PCDHA5: variants seen among roughly 807,000 people sequenced by gnomAD.
The protein encoded by PCDHA5 is protocadherin alpha 5.
In PCDHA5, 43 loss-of-function variants were observed where a neutral mutation model predicts 61.6. The ratio of observed to expected loss-of-function variants is 0.70; its 90% CI spans 0.55 to 0.90. The LOEUF (loss-of-function observed/expected upper bound fraction) is 0.90. PCDHA5 is among the 40% of genes least tolerant of loss of function. PCDHA5 has a pLI of 0.00. For synonymous variants in PCDHA5, 627 were observed against 543.9 expected (o/e 1.15, Z -2.13); for missense variants, 1,298 against 1,222.7 (o/e 1.06, Z -0.92).
intron 1 of PCDHA5, among the ~76,000 whole-genome samples, chr5:140,955,950 C>G (rs2095241045): frequency 6.6e-6 from 1 of 151,920 alleles, no homozygotes; most frequent in African/African-American, 2.4e-5. Flanking sequence ...TGTCTACTTG[C>G]TTGTTGTTTG....
chr5:140,926,903 G>C (rs369906778), intron 1 of PCDHA5: 13 of 1,557,942 alleles, frequency 8.3e-6, no homozygotes, highest in African/African-American at 1.4e-5. Flanking sequence ...ATGGTGGGCT[G>C]TGGGGTGGCA....
intron 1 of PCDHA5, chr5:140,927,024 G>A (rs1554203920): frequency 6.2e-7 from 1 of 1,612,408 alleles, no homozygotes. Flanking sequence ...CGGACTTGAG[G>A]CTGCCAGCGG....
intron 1 of PCDHA5, chr5:140,877,685 C>G (rs377753884): frequency 5.0e-6 from 8 of 1,613,628 alleles, no homozygotes; most frequent in African/African-American, 2.7e-5. Flanking sequence ...GGCAAGCCCA[C>G]GCTGGTGTGC....
intron 1 of PCDHA5, chr5:140,871,029 G>A (rs782042665): frequency 1.9e-6 from 3 of 1,613,228 alleles, no homozygotes; most frequent in Non-Finnish European, 2.5e-6. Flanking sequence ...CAGACTCGCC[G>A]CGCCACCGAC....
chr5:140,841,068 A>G (rs1247313079), intron 1 of PCDHA5: 1 of 487,112 alleles, frequency 2.1e-6, no homozygotes, highest in African/African-American at 1.9e-5. Flanking sequence ...TATGATAAAG[A>G]AATAGAAAGT....
At chr5:140,966,889 C>T in intron 1 of PCDHA5, 1 of 1,593,902 alleles carries the variant, frequency 6.3e-7, no homozygotes, top group Non-Finnish European at 8.5e-7. Flanking sequence ...GCCCTGCGGC[C>T]TCCCAGCTGC....
intron 1 of PCDHA5, 29 bp downstream of exon 1, chr5:140,824,156 T>C (rs200693729): frequency 6.2e-7 from 1 of 1,611,610 alleles, no homozygotes; most frequent in Non-Finnish European, 8.5e-7. Flanking sequence ...ACATCCATCT[T>C]TCCCTCCCAA....
rs2150142239 is a variant in PCDHA5, at chr5:140,826,022, G to A, written c.2352+1895G>A. 2.0e-4 allele frequency among the ~76,000 whole-genome samples: 31 copies of A among 152,292 alleles called. No individual in the cohort carries two copies. The East Asian group carries it at 2.1e-3, about 10-fold the overall frequency. On this transcript the variant is annotated intron_variant, in intron 1 of 3. Coordinates refer to ENST00000529859, the MANE Select transcript of PCDHA5 (RefSeq NM_018908.3). ...TAGTCCACACTTTACATGATAAAAT[G>A]TGAATTCCCTATTTCTGTTGCTTTG...
intron 1 of PCDHA5, among the ~76,000 whole-genome samples, chr5:140,909,761 TC>T (rs1308608657): frequency 1.3e-5 from 2 of 152,052 alleles, no homozygotes; most frequent in Admixed American, 6.5e-5. Context: ...ACAGGATGAG[TC>T]CAGGGACCCA....
chr5:140,822,286 T>C lies in PCDHA5; in HGVS notation c.511T>C (p.Leu171=). The C allele has an allele frequency of 1.2e-6, 2 of 1,614,248 alleles. No homozygotes were observed. Among genetic ancestry groups the C allele is most frequent in the Non-Finnish European group, 1.7e-6 (2 of 1,180,040 alleles). Residue 171 remains leucine (L), a synonymous_variant, in exon 1 of 4, where the codon TTA becomes CTA. Coordinates refer to ENST00000529859, the MANE Select transcript of PCDHA5 (RefSeq NM_018908.3). ...AGCAAATGCACAATTGAGATACAGG[T>C]TAAATCCAAACGAATATTTTGACTT... ...IGANAQLRYR[L]NPNEYFDLDV... is the part of the protein sequence containing the mutation.
intron 1 of PCDHA5, among the ~76,000 whole-genome samples, chr5:140,906,048 C>A (rs1482228569): frequency 1.3e-5 from 2 of 152,170 alleles, no homozygotes; most frequent in South Asian, 2.1e-4. Context: ...TTTATTCTGG[C>A]TGCACTGGCA....
At chr5:140,902,729 C>T (rs1554190627) in intron 1 of PCDHA5, among the ~76,000 whole-genome samples, 1 of 152,068 alleles carries the variant, frequency 6.6e-6, no homozygotes, top group East Asian at 1.9e-4. Flanking sequence ...CCCTTCCCTC[C>T]AAGTCCCCCA....
At position 140,858,127 on chromosome 5, in the gene PCDHA5, T is replaced by C. The variant is rs782220285; in HGVS notation, c.2352+34000T>C. 41 of 1,597,502 alleles carry C rather than the reference T, an allele frequency of 2.6e-5. 1 individual carries two copies. The highest frequency in any genetic ancestry group is 1.7e-4 in the Admixed American group (10 of 59,294). ...TGGCGCCCGAGGTGGCCCTGGTGGATGTCAACGTGTACCTGATCATCGCCA... is the reference window on the plus strand; with the variant it reads ...TGGCGCCCGAGGTGGCCCTGGTGGACGTCAACGTGTACCTGATCATCGCCA... On this transcript the variant is annotated intron_variant, in intron 1 of 3. Coordinates refer to ENST00000529859, the MANE Select transcript of PCDHA5 (RefSeq NM_018908.3).
chr5:140,941,243 CTT>C (rs782176516), intron 1 of PCDHA5, among the ~76,000 whole-genome samples: 1 of 131,826 alleles, frequency 7.6e-6, no homozygotes, highest in Non-Finnish European at 1.6e-5. Flanking sequence ...TTCTTTCTTT[CTT>C]TCTTTCTTTC....
intron 1 of PCDHA5, among the ~76,000 whole-genome samples, chr5:140,827,663 G>A (rs1447950540): frequency 1.3e-5 from 2 of 152,174 alleles, no homozygotes; most frequent in Non-Finnish European, 2.9e-5. Context: ...AAGCAGTTCC[G>A]TTAACACTTA....
chr5:140,898,284 T>C (rs2066636432), intron 1 of PCDHA5, among the ~76,000 whole-genome samples: 1 of 152,254 alleles, frequency 6.6e-6, no homozygotes, highest in South Asian at 2.1e-4. Flanking sequence ...TTCTGAATGG[T>C]AATGCCTAGG....
intron 1 of PCDHA5, chr5:140,926,825 G>GT (rs1175916332): frequency 1.3e-6 from 2 of 1,499,578 alleles, no homozygotes; most frequent in Non-Finnish European, 1.8e-6. Flanking sequence ...CTCTCCAGGA[G>GT]TCCGGAGCAT....
intron 1 of PCDHA5, among the ~76,000 whole-genome samples, chr5:140,907,247 T>C (rs1328809549): frequency 1.3e-5 from 2 of 152,216 alleles, no homozygotes; most frequent in Non-Finnish European, 2.9e-5. Context: ...GACATTGTAA[T>C]TGTGACTTCA....
rs377029109 is a variant in PCDHA5, at chr5:141,002,346, C to G, written c.2501-7281C>G. On this transcript the variant is annotated intron_variant, in intron 3 of 3. Coordinates refer to ENST00000529859, the MANE Select transcript of PCDHA5 (RefSeq NM_018908.3). Reference sequence around the variant, plus strand: ...CGGGCTGCATCCGCACCCCTTCCCCCACCTCCACTCCTTTCAACTCATTCT... The same window carrying G: ...CGGGCTGCATCCGCACCCCTTCCCCGACCTCCACTCCTTTCAACTCATTCT... Among the ~76,000 whole-genome samples, 17 of 152,370 alleles carry G rather than the reference C, an allele frequency of 1.1e-4. No homozygotes were observed. The East Asian group carries it at 2.7e-3, about 24-fold the overall frequency.
Sources: allele counts gnomAD v4.1 joint callset (sites outside exome capture counted in the v4.1 genomes callset), GRCh38; gene constraint gnomAD v4.1.1; transcripts MANE v1.5; gene names NCBI Gene and HGNC (gene_info 2026-07-23, HGNC 2026-07-21).